CPAMD8: variants seen among roughly 807,000 people sequenced by gnomAD.
The protein encoded by CPAMD8 is C3 and PZP like alpha-2-macroglobulin domain containing 8.
A neutral mutation model predicts 224.7 loss-of-function variants in CPAMD8; 146 were observed. The ratio of observed to expected loss-of-function variants is 0.65; its 90% CI spans 0.57 to 0.75. The LOEUF (loss-of-function observed/expected upper bound fraction) is 0.75, where lower values mean the gene tolerates loss of function less well. Among genes scored for constraint, CPAMD8 ranks in the 30% least tolerant of loss-of-function variants. The pLI, the probability that CPAMD8 is intolerant of heterozygous loss-of-function variation, is 0.00. For missense variants in CPAMD8, 2,301 were observed against 2,537.5 expected, an observed-to-expected ratio of 0.91 and a Z score of 2.00; for synonymous variants, 966 against 1,044.6, an observed-to-expected ratio of 0.92 and a Z score of 1.45.
At chr19:16,903,270 A>G (rs1422865101) in intron 34 of CPAMD8, among the ~76,000 whole-genome samples, 2 of 152,000 alleles carry the variant, frequency 1.3e-5, no homozygotes, top group East Asian at 3.9e-4. Flanking sequence ...AATCCAGGCC[A>G]CAGCAGGGGG....
chr19:16,914,555 C>A (rs559992248), intron 28 of CPAMD8, 57 bp from the exon 29 acceptor site: 6 of 1,609,656 alleles, frequency 3.7e-6, no homozygotes, highest in Admixed American at 3.3e-5. Flanking sequence ...CACTTCCCCC[C>A]ACTTCCCCCA....
chr19:16,894,219 G>A (rs1009957752), intron 41 of CPAMD8: 14 of 348,564 alleles, frequency 4.0e-5, no homozygotes, highest in African/African-American at 8.5e-5. Context: ...GCACCACACC[G>A]GTGACTGCTG....
chr19:16,948,667 G>A (rs1327310706), intron 20 of CPAMD8, among the ~76,000 whole-genome samples: 2 of 151,466 alleles, frequency 1.3e-5, no homozygotes, highest in African/African-American at 4.9e-5. Flanking sequence ...CTAGGAGGTG[G>A]AGGTTGCAGT....
rs1022124471 is a variant in CPAMD8 at position 17,026,802 on chromosome 19, G to A, written c.-160C>T. The A allele has an allele frequency of 1.8e-5, 19 of 1,080,500 alleles. No individual in the cohort carries two copies. Among genetic ancestry groups the A allele is most frequent in the African/African-American group, 1.0e-4 (6 of 59,210 alleles). The allele number at this position is 1,080,500 out of a possible 1,614,324, so 66.9% of individuals were successfully genotyped here. On this transcript the variant is annotated 5_prime_UTR_variant, in exon 1 of 42. Coordinates refer to ENST00000443236, the MANE Select transcript of CPAMD8 (RefSeq NM_015692.5). ...GCGCCATGCGCCCCGCTCCGCGCCCGGCCAAGCTGGGGCAGCCCCGGGCCA... is the reference window on the plus strand; with the variant it reads ...GCGCCATGCGCCCCGCTCCGCGCCCAGCCAAGCTGGGGCAGCCCCGGGCCA...
intron 12 of CPAMD8, among the ~76,000 whole-genome samples, chr19:16,991,411 G>A (rs2055945558): frequency 6.6e-6 from 1 of 152,060 alleles, no homozygotes; most frequent in Non-Finnish European, 1.5e-5. Flanking sequence ...TTGTGGAGAG[G>A]GCTGTGCCTA....
chr19:16,920,222 G>A (rs1464447037), intron 27 of CPAMD8, among the ~76,000 whole-genome samples: 1 of 152,230 alleles, frequency 6.6e-6, no homozygotes, highest in Non-Finnish European at 1.5e-5. Context: ...GCTCACGCCT[G>A]TAATCCCAGC....
chr19:16,908,073 C>T (rs1388309423), intron 29 of CPAMD8, among the ~76,000 whole-genome samples: 3 of 152,044 alleles, frequency 2.0e-5, no homozygotes, highest in African/African-American at 7.2e-5. Flanking sequence ...AGACAGCTAG[C>T]TAAGGCCAGG....
chr19:16,964,405 T>C lies in CPAMD8; in HGVS notation c.2213+6486A>G, dbSNP rs1237584264. 2.6e-5 allele frequency among the ~76,000 whole-genome samples: 4 copies of C among 152,066 alleles called. No individual in the cohort carries two copies. The East Asian group carries it at 7.7e-4, about 29-fold the overall frequency. On this transcript the variant is annotated intron_variant, in intron 18 of 41. Transcript: ENST00000443236. ...TACAAACTACCATCAGAGAATACTG[T>C]AAACACCTCTACGCAAATAAACCAG...
At chr19:17,001,358 C>T (rs1480254050) in intron 9 of CPAMD8, among the ~76,000 whole-genome samples, 1 of 136,964 alleles carries the variant, frequency 7.3e-6, no homozygotes, top group Non-Finnish European at 1.6e-5. Context: ...GGATCAACCC[C>T]TCTCGGGTCA....
At chr19:17,006,348 CCT>C (rs2056491428) in intron 7 of CPAMD8, among the ~76,000 whole-genome samples, 1 of 151,962 alleles carries the variant, frequency 6.6e-6, no homozygotes, top group Non-Finnish European at 1.5e-5. Context: ...ATCTTGAGAC[CCT>C]GTCTCTACCA....
At chr19:16,906,355 TTTCTTTC>T (rs2052486323) in intron 30 of CPAMD8, among the ~76,000 whole-genome samples, 1 of 40,192 alleles carries the variant, frequency 2.5e-5, no homozygotes, top group African/African-American at 9.3e-5. Context: ...TCTTTCTTTC[TTTCTTTC>T]TTTCTTTCTT....
intron 5 of CPAMD8, 36 bp downstream of exon 5, chr19:17,011,428 G>A: frequency 6.2e-7 from 1 of 1,613,148 alleles, no homozygotes; most frequent in Non-Finnish European, 8.5e-7. Flanking sequence ...CCAAGTGGGT[G>A]CACTCCGGGC....
At chr19:16,966,613 C>T (rs929168590) in intron 18 of CPAMD8, among the ~76,000 whole-genome samples, 7 of 151,996 alleles carry the variant, frequency 4.6e-5, no homozygotes, top group Admixed American at 1.3e-4. Context: ...CGCTAATATC[C>T]AAAATCTACA....
rs1451268436 is a variant in CPAMD8 at position 17,022,094 on chromosome 19, G to C, written c.180C>G (p.Val60=). Residue 60 remains valine (V), a synonymous_variant, in exon 2 of 42, where the codon GTC becomes GTG. Coordinates refer to ENST00000443236, the MANE Select transcript of CPAMD8 (RefSeq NM_015692.5). The part of the protein sequence containing the change: ...SVTIFNSPRE[V]TVQAQLVAQG... ...GGGCCACCAGCTGAGCCTGGACCGT[G>C]ACTTCCCTTGGAGAGTTAAAGATGG... is the stretch of plus-strand genomic sequence containing the variant. 6.2e-7 allele frequency: 1 copy of C among 1,605,394 alleles called. No homozygotes were observed. The highest frequency in any genetic ancestry group is 8.5e-7 in the Non-Finnish European group (1 of 1,175,940).
chr19:17,003,194 T>C (rs889541518), intron 8 of CPAMD8, among the ~76,000 whole-genome samples: 2 of 151,622 alleles, frequency 1.3e-5, no homozygotes, highest in Non-Finnish European at 2.9e-5. Flanking sequence ...TTAGCTGCCA[T>C]GCCTGGCCAC....
chr19:16,963,402 G>A (rs1368065850), intron 18 of CPAMD8, among the ~76,000 whole-genome samples: 2 of 152,112 alleles, frequency 1.3e-5, no homozygotes, highest in Non-Finnish European at 2.9e-5. Flanking sequence ...CCTAGTCTCT[G>A]ATAAAACAGA....
At chr19:16,936,086 C>T (rs1415677280) in intron 23 of CPAMD8, among the ~76,000 whole-genome samples, 1 of 152,066 alleles carries the variant, frequency 6.6e-6, no homozygotes, top group Non-Finnish European at 1.5e-5. Context: ...AGCCACCATG[C>T]CCAGCTAATA....
Position 17,018,647 on chromosome 19 carries a change from G to A in CPAMD8, c.267+1684C>T, listed in dbSNP as rs548562941. Among the ~76,000 whole-genome samples the A allele has an allele frequency of 9.9e-5, 15 of 152,090 alleles. No homozygotes were observed. The East Asian group carries it at 2.7e-3, about 27-fold the overall frequency. ...TCAGCACTTTGGGAGGCCAAGGTGG[G>A]TGGATCACTTGAGGTCAGGAGTTTC... On this transcript the variant is annotated intron_variant, in intron 3 of 41. Coordinates refer to ENST00000443236, the MANE Select transcript of CPAMD8 (RefSeq NM_015692.5).
At position 16,993,423 on chromosome 19, in the gene CPAMD8, C is replaced by T. The variant is rs1599865116; in HGVS notation, c.1259G>A (p.Trp420Ter). 6.2e-7 allele frequency: 1 copy of T among 1,612,866 alleles called. No homozygotes were observed. The highest frequency in any genetic ancestry group is 2.2e-5 in the East Asian group (1 of 44,864). ...PSIPTSAQHV[W>*]LETKVMALNG... ...TCCACGGGACTCACCCACCTCCAGC[C>T]ACACGTGCTGGGCTGACGTGGGGAT... The change falls in exon 12 of 42, where the codon TGG (tryptophan) becomes TAG (stop). Residue 420 changes from tryptophan to a stop codon, truncating the protein, a stop_gained. Coordinates refer to ENST00000443236, the MANE Select transcript of CPAMD8 (RefSeq NM_015692.5). LOFTEE classifies it high-confidence loss of function.
Sources: gnomAD v4.1 joint callset for allele counts (sites outside exome capture counted in the v4.1 genomes callset) on GRCh38, gnomAD v4.1.1 for gene constraint, MANE v1.5 for transcripts, NCBI Gene and HGNC (gene_info 2026-07-23, HGNC 2026-07-21) for gene names.